CAND2: variants seen among roughly 807,000 people sequenced by gnomAD.
The protein encoded by CAND2 is cullin-associated NEDD8-dissociated protein 2.
A neutral mutation model predicts 98.9 loss-of-function variants in CAND2; 62 were observed. The ratio of observed to expected loss-of-function variants is 0.63; its 90% CI spans 0.51 to 0.77. The LOEUF is 0.77. Among genes scored for constraint, CAND2 ranks in the 30% least tolerant of loss-of-function variants. CAND2 has a pLI of 0.00. For missense variants in CAND2, 1,501 were observed against 1,655.2 expected, an observed-to-expected ratio of 0.91 and a Z score of 1.62; for synonymous variants, 770 against 731.9, an observed-to-expected ratio of 1.05 and a Z score of -0.84.
rs1386005690 is a variant in CAND2, at chr3:12,816,224, T to C, written c.1442-150T>C. 4.7e-6 allele frequency: 4 copies of C among 858,186 alleles called. No homozygotes were observed. In the African/African-American group the frequency reaches 6.8e-5, roughly 15 times the overall value. 53.2% of individuals were successfully genotyped at this position (858,186 alleles called of 1,614,324 possible). A position where few individuals can be genotyped will look rare whatever the true frequency, so the allele number is the denominator to read the frequency against. On this transcript the variant is annotated intron_variant, in intron 9 of 14. Transcript: ENST00000456430. ...ACATGTTTCCCTCAGCCCTGGCCACTGGTCAGGGCTGACTTCTTGGAAACT... is the reference window on the plus strand; with the variant it reads ...ACATGTTTCCCTCAGCCCTGGCCACCGGTCAGGGCTGACTTCTTGGAAACT...
chr3:12,822,930 CTT>C (rs547717052), intron 11 of CAND2, among the ~76,000 whole-genome samples: 14 of 152,246 alleles, frequency 9.2e-5, no homozygotes, highest in Non-Finnish European at 1.8e-4. Context: ...CCCTGCCTCT[CTT>C]TCTCTCCCTC....
chr3:12,801,040 T>A (rs866573995), intron 1 of CAND2, among the ~76,000 whole-genome samples: 29 of 138,320 alleles, frequency 2.1e-4, no homozygotes, highest in African/African-American at 6.2e-4. Flanking sequence ...CAGTATTTTT[T>A]TTTTTTTTTT....
At chr3:12,828,765 T>C (rs2062026300) in intron 13 of CAND2, among the ~76,000 whole-genome samples, 1 of 152,204 alleles carries the variant, frequency 6.6e-6, no homozygotes. Flanking sequence ...CTGCACCCAT[T>C]CAACACTCTA....
intron 12 of CAND2, among the ~76,000 whole-genome samples, chr3:12,826,141 C>A (rs1361245080): frequency 6.6e-6 from 1 of 152,158 alleles, no homozygotes; most frequent in African/African-American, 2.4e-5. Flanking sequence ...AAAGCAGTAG[C>A]GTTCAGCAGG....
intron 10 of CAND2, among the ~76,000 whole-genome samples, chr3:12,819,321 C>T (rs2061935467): frequency 6.6e-6 from 1 of 152,202 alleles, no homozygotes; most frequent in Non-Finnish European, 1.5e-5. Flanking sequence ...GAACATAAAG[C>T]CTGTGGGGTG....
At position 12,817,050 on chromosome 3, in the gene CAND2, C is replaced by T. The variant is rs563294153; in HGVS notation, c.2118C>T (p.Ser706=). 4.6e-5 allele frequency: 74 copies of T among 1,612,832 alleles called. No homozygotes were observed. Among genetic ancestry groups the T allele is most frequent in the East Asian group, 1.6e-4 (7 of 44,882 alleles). The change falls in exon 10 of 15, where the codon AGC becomes AGT. Residue 706 remains serine (S), a synonymous_variant. Coordinates refer to ENST00000456430, the MANE Select transcript of CAND2 (RefSeq NM_001162499.2). ...LAELPALVNE[S]DMHVAQLAVD... Reference sequence around the variant, plus strand: ...AGCTGCCTGCCCTGGTCAACGAGAGCGACATGCATGTGGCCCAGCTGGCTG... The same window carrying T: ...AGCTGCCTGCCCTGGTCAACGAGAGTGACATGCATGTGGCCCAGCTGGCTG...
At chr3:12,810,002 C>T (rs774672610) in intron 4 of CAND2, 57 bp from the exon 5 acceptor site, 7 of 1,389,228 alleles carry the variant, frequency 5.0e-6, no homozygotes, top group East Asian at 6.0e-5. Context: ...AGGGGCGGAG[C>T]CTGGCCCAGG....
rs756369771 is a variant in CAND2, at chr3:12,833,844, C to G, written c.3573C>G (p.Ile1191Met). ...GGGCAGTGGCTGCCCTGCTGACCAT[C>G]CCCGAGGTGGGGAAAAGCCCCATCA... ...AMRAVAALLT[I>M]PEVGKSPIMA... The change falls in exon 15 of 15, where the codon ATC (isoleucine) becomes ATG (methionine). Residue 1191 changes from isoleucine to methionine, a missense_variant. Physicochemically the swap from Ile to Met is conservative, Grantham distance 10. Transcript: ENST00000456430. 1 of 1,614,190 alleles carries G rather than the reference C, an allele frequency of 6.2e-7. No individual in the cohort carries two copies. The highest frequency in any genetic ancestry group is 8.5e-7 in the Non-Finnish European group (1 of 1,180,008).
chr3:12,807,303 C>A lies in CAND2; in HGVS notation c.213-3C>A. The A allele has an allele frequency of 6.4e-7, 1 of 1,550,912 alleles. No homozygotes were observed. The highest frequency in any genetic ancestry group is 1.2e-5 in the South Asian group (1 of 83,972). On this transcript the variant is annotated splice_region_variant and splice_polypyrimidine_tract_variant and intron_variant, in intron 2 of 14. Coordinates refer to ENST00000456430, the MANE Select transcript of CAND2 (RefSeq NM_001162499.2). Reference sequence around the variant, plus strand: ...TGGATTCACCTTCCCACTCCCTGCTCAGCCTGGGTCCTCTGGTGGTCAAAG... The same window carrying A: ...TGGATTCACCTTCCCACTCCCTGCTAAGCCTGGGTCCTCTGGTGGTCAAAG...
At chr3:12,809,904 AT>A in intron 4 of CAND2, 154 bp from the exon 5 acceptor site, 1 of 784,734 alleles carries the variant, frequency 1.3e-6, no homozygotes, top group Non-Finnish European at 1.8e-6. Flanking sequence ...AATTAAAATA[AT>A]TCCTCCTCAC....
At chr3:12,826,241 C>A (rs968790021) in intron 12 of CAND2, among the ~76,000 whole-genome samples, 1 of 152,194 alleles carries the variant, frequency 6.6e-6, no homozygotes, top group African/African-American at 2.4e-5. Flanking sequence ...GGAGCAGCTG[C>A]GTTTCACTTA....
intron 1 of CAND2, 127 bp downstream of exon 1, chr3:12,796,915 A>C (rs1435941945): frequency 1.3e-6 from 1 of 753,450 alleles, no homozygotes; most frequent in African/African-American, 2.0e-5. Flanking sequence ...TTCTCCCTGC[A>C]TTAAGCTGCC....
At chr3:12,811,603 G>T (rs1258000624) in intron 5 of CAND2, among the ~76,000 whole-genome samples, 1 of 152,166 alleles carries the variant, frequency 6.6e-6, no homozygotes. Flanking sequence ...ACGGAGTCTC[G>T]CTCTGTTGCC....
intron 13 of CAND2, 139 bp from the exon 14 acceptor site, chr3:12,831,324 GGA>G: frequency 1.4e-6 from 1 of 690,968 alleles, no homozygotes; most frequent in South Asian, 1.6e-5. Flanking sequence ...ACCCAGAGAG[GGA>G]GAGACTCTGG....
rs751888600 is a variant in CAND2, at chr3:12,817,565, G to T, written c.2633G>T (p.Arg878Met). 6.2e-7 allele frequency: 1 copy of T among 1,613,908 alleles called. No homozygotes were observed. Among genetic ancestry groups the T allele is most frequent in the South Asian group, 1.1e-5 (1 of 91,090 alleles). The change falls in exon 10 of 15, where the codon AGG becomes ATG. Residue 878 changes from arginine (R) to methionine (M), a missense_variant. Transcript: ENST00000456430. ...EALGSPSEDVRAAASYALGRV... is the reference protein window; with the variant it reads ...EALGSPSEDVMAAASYALGRV... The stretch of plus-strand genomic sequence containing the variant: ...TTGGGGTCACCCAGTGAGGATGTGA[G>T]GGCTGCAGCCTCGTATGCACTGGGC...
chr3:12,822,298 CTT>C (rs532826939), intron 11 of CAND2, among the ~76,000 whole-genome samples: 3 of 131,980 alleles, frequency 2.3e-5, no homozygotes, highest in African/African-American at 2.9e-5. Flanking sequence ...ATGTTTCAAT[CTT>C]TTTTTTTTTT....
chr3:12,815,262 C>G lies in CAND2; in HGVS notation c.1128C>G (p.Thr376=). Reference sequence around the variant, plus strand: ...ACCTGCTGCCCGATTTCCACTGCACCCTGGCACCTGTGCTCATCCGCCGCT... The same window carrying G: ...ACCTGCTGCCCGATTTCCACTGCACGCTGGCACCTGTGCTCATCCGCCGCT... ...RPDLLPDFHC[T]LAPVLIRRFK... The change falls in exon 8 of 15, where the codon ACC becomes ACG. Residue 376 remains threonine (T), a synonymous_variant. Coordinates refer to ENST00000456430, the MANE Select transcript of CAND2 (RefSeq NM_001162499.2). The surrounding 1 kb of genome is among the most constrained non-coding windows in gnomAD (Gnocchi z 5.7). 1 of 1,613,940 alleles carries G rather than the reference C, an allele frequency of 6.2e-7. No homozygotes were observed. The highest frequency in any genetic ancestry group is 1.1e-5 in the South Asian group (1 of 91,088).
At chr3:12,802,462 G>A (rs1187221994) in intron 1 of CAND2, among the ~76,000 whole-genome samples, 3 of 152,240 alleles carry the variant, frequency 2.0e-5, no homozygotes, top group Non-Finnish European at 2.9e-5. Context: ...AAAACACCAT[G>A]AGGCAGGTAC....
In CAND2 at chr3:12,825,546, G is replaced by A. The variant is rs760727935; in HGVS notation, c.3117G>A (p.Val1039=). ...RATLAFFNSA[V]HNKPSLVRDL... ...CTCTGGCTTTCTTCAACTCAGCTGT[G>A]CACAACAAGCCCTCGCTAGTCCGGG... The change falls in exon 12 of 15, where the codon GTG becomes GTA. Residue 1039 remains valine (V), a synonymous_variant. Transcript: ENST00000456430. 1.4e-5 allele frequency: 22 copies of A among 1,609,200 alleles called. No homozygotes were observed. The South Asian group carries it at 2.5e-4, about 18-fold the overall frequency.
Sources: gnomAD v4.1 joint callset for allele counts (sites outside exome capture counted in the v4.1 genomes callset) on GRCh38, gnomAD v4.1.1 for gene constraint, Gnocchi (gnomAD v3.1) non-coding constraint, MANE v1.5 for transcripts, NCBI Gene and HGNC (gene_info 2026-07-23, HGNC 2026-07-21) for gene names.